The following COPG2 variants were observed in gnomAD, a reference collection of about 807,000 sequenced individuals.
COPG2 encodes coat protein complex I subunit gamma 2, also known as coatomer subunit gamma-2.
A neutral mutation model predicts 46.3 loss-of-function variants in COPG2; 37 were observed. The observed-to-expected ratio is 0.80, with a 90% CI of 0.61 to 1.05. COPG2 has a LOEUF of 1.05. COPG2 is among the 50% of genes least tolerant of loss of function. The pLI is 0.00. For synonymous variants in COPG2, 159 were observed against 129.7 expected, an observed-to-expected ratio of 1.23 and a Z score of -1.53; for missense variants, 427 against 387.8, an observed-to-expected ratio of 1.10 and a Z score of -0.85.
intron 9 of COPG2, chr7:130,605,366 G>A (rs1794709216): frequency 2.1e-6 from 1 of 473,378 alleles, no homozygotes; most frequent in South Asian, 1.6e-5. Flanking sequence ...TTACAACATG[G>A]CAAAGGAACT....
At chr7:130,593,029 G>A (rs782594321) in intron 9 of COPG2, among the ~76,000 whole-genome samples, 7 of 152,234 alleles carry the variant, frequency 4.6e-5, no homozygotes, top group Non-Finnish European at 8.8e-5. Flanking sequence ...AGTGCATCTG[G>A]TATTACTCCA....
At chr7:130,553,875 T>A (rs1306744565) in intron 14 of COPG2, among the ~76,000 whole-genome samples, 1 of 152,184 alleles carries the variant, frequency 6.6e-6, no homozygotes, top group African/African-American at 2.4e-5. Context: ...GTGGACTGAG[T>A]GTAAACAAAG....
At chr7:130,533,509 G>A (rs1305211111) in intron 20 of COPG2, among the ~76,000 whole-genome samples, 2 of 151,964 alleles carry the variant, frequency 1.3e-5, no homozygotes, top group African/African-American at 2.4e-5. Context: ...AGAAATGTTG[G>A]GACAATGTAT....
At chr7:130,509,462 T>A (rs1799560778) in intron 20 of COPG2, 1 of 378,174 alleles carries the variant, frequency 2.6e-6, no homozygotes, top group Non-Finnish European at 5.1e-6. Context: ...ACAAAAAATA[T>A]TAGATATTGG....
intron 20 of COPG2, chr7:130,509,757 G>A (rs1554440776): frequency 1.9e-6 from 1 of 518,644 alleles, no homozygotes; most frequent in Non-Finnish European, 3.9e-6. Context: ...GGCTGTGTGT[G>A]TGTGTGATCT....
chr7:130,616,100 TAGAGGAA>T (rs1361444706), intron 6 of COPG2, among the ~76,000 whole-genome samples: 1 of 152,192 alleles, frequency 6.6e-6, no homozygotes, highest in Non-Finnish European at 1.5e-5. Context: ...GCTATTGAGA[TAGAGGAA>T]AAGATGCCAG....
chr7:130,540,661 A>C (rs975046957), intron 20 of COPG2, among the ~76,000 whole-genome samples: 3 of 152,028 alleles, frequency 2.0e-5, no homozygotes, highest in African/African-American at 7.2e-5. Context: ...CAGACAAAAG[A>C]TGAGATGTGT....
chr7:130,543,126 T>C (rs1255941583), intron 20 of COPG2, among the ~76,000 whole-genome samples: 1 of 152,166 alleles, frequency 6.6e-6, no homozygotes, highest in Non-Finnish European at 1.5e-5. Flanking sequence ...AAGGTCAGGA[T>C]TTTGAAAGCA....
chr7:130,652,839 TC>T, intron 5 of COPG2, 29 bp downstream of exon 5: 1 of 1,382,376 alleles, frequency 7.2e-7, no homozygotes, highest in Non-Finnish European at 1.0e-6. Context: ...TATATAAGTA[TC>T]TCATCCTAGA....
chr7:130,610,906 TA>T, intron 9 of COPG2, 46 bp downstream of exon 9: 1 of 1,600,154 alleles, frequency 6.2e-7, no homozygotes, highest in East Asian at 2.2e-5. Context: ...TAAGGTATAT[TA>T]ACTTCGCAAA....
intron 4 of COPG2, among the ~76,000 whole-genome samples, chr7:130,658,049 T>C (rs939235208): frequency 6.6e-6 from 1 of 152,124 alleles, no homozygotes; most frequent in Admixed American, 6.5e-5. Context: ...CAGGCATTTA[T>C]CCAAAAGAAA....
chr7:130,571,199 CTTAA>C (rs1344010007), intron 9 of COPG2, among the ~76,000 whole-genome samples: 14 of 152,094 alleles, frequency 9.2e-5, no homozygotes, highest in African/African-American at 3.4e-4. Context: ...ATAGATGGGA[CTTAA>C]TTAAACTAAA....
At chr7:130,525,423 T>G (rs966790722) in intron 20 of COPG2, among the ~76,000 whole-genome samples, 5 of 151,948 alleles carry the variant, frequency 3.3e-5, no homozygotes, top group African/African-American at 9.7e-5. Context: ...ATGACTCAGG[T>G]TAAATGAAGG....
intron 9 of COPG2, chr7:130,604,751 A>G (rs781895265): frequency 2.3e-5 from 12 of 515,646 alleles, no homozygotes; most frequent in Admixed American, 2.0e-4. Context: ...CTCATTCACA[A>G]TCTCTAGGGG....
At chr7:130,523,921 G>A (rs933112572) in intron 20 of COPG2, among the ~76,000 whole-genome samples, 7 of 152,102 alleles carry the variant, frequency 4.6e-5, no homozygotes, top group East Asian at 1.9e-4. Flanking sequence ...CAGGCAGGGC[G>A]GGAGAGTCAG....
At position 130,612,330 on chromosome 7, in the gene COPG2, T is replaced by C. The variant is rs182182431; in HGVS notation, c.493-92A>G. On this transcript the variant is annotated intron_variant, in intron 7 of 23. Transcript: ENST00000425248. ...TAGTTTTCTTTGAAAATCACAGACA[T>C]TTCCCAAGAGGAAGAAAACTATGTA... The C allele has an allele frequency of 3.8e-6, 3 of 791,230 alleles. No individual in the cohort carries two copies. The African/African-American group carries it at 5.3e-5, about 14-fold the overall frequency. The allele number at this position is 791,230 out of a possible 1,614,324, so 49.0% of individuals were successfully genotyped here.
chr7:130,543,631 T>C (rs1332379583), intron 20 of COPG2, among the ~76,000 whole-genome samples: 1 of 152,144 alleles, frequency 6.6e-6, no homozygotes, highest in African/African-American at 2.4e-5. Flanking sequence ...AGGTGGGTCA[T>C]GAGGAAGCTT....
At chr7:130,569,146 T>C (rs1210449383) in intron 9 of COPG2, among the ~76,000 whole-genome samples, 1 of 151,844 alleles carries the variant, frequency 6.6e-6, no homozygotes, top group Non-Finnish European at 1.5e-5. Flanking sequence ...CTCCAGGAAC[T>C]AGAGAAACAA....
intron 9 of COPG2, among the ~76,000 whole-genome samples, chr7:130,589,280 A>AC (rs1794350769): frequency 6.6e-6 from 1 of 151,140 alleles, no homozygotes; most frequent in South Asian, 2.1e-4. Flanking sequence ...GTACAGGTTT[A>AC]CTTTTTTTTT....
Sources: allele counts gnomAD v4.1 joint callset (sites outside exome capture counted in the v4.1 genomes callset), GRCh38; gene constraint gnomAD v4.1.1; transcripts MANE v1.5; gene names NCBI Gene and HGNC (gene_info 2026-07-23, HGNC 2026-07-21).